ADAMTSL1: variants seen among roughly 807,000 people sequenced by gnomAD.
ADAMTSL1 encodes the protein ADAMTS like 1, also known as ADAMTS-like protein 1.
Under a neutral mutation model 201.8 loss-of-function variants are expected in ADAMTSL1, and 126 were observed. That is an observed-to-expected ratio of 0.62 (90% CI 0.54 to 0.72). The LOEUF is 0.72. Among genes scored for constraint, ADAMTSL1 ranks in the 30% least tolerant of loss-of-function variants. The pLI is 0.00. For missense variants in ADAMTSL1, 2,679 were observed against 2,277.8 expected (o/e 1.18, Z -3.59); for synonymous variants, 1,121 against 903.4 (o/e 1.24, Z -4.32).
At chr9:18,585,197 A>G (rs1823403449) in intron 4 of ADAMTSL1, among the ~76,000 whole-genome samples, 1 of 152,196 alleles carries the variant, frequency 6.6e-6, no homozygotes, top group South Asian at 2.1e-4. Context: ...TGATATATTA[A>G]CATTGTTTTC....
At position 18,366,627 on chromosome 9, in the gene ADAMTSL1, ATT is replaced by A. The variant is rs772034324; in HGVS notation, c.208-138163_208-138162del. On this transcript the variant is annotated intron_variant, in intron 2 of 29. Transcript: ENST00000680146. ...ATGGATAGTGCCTCTGAAATCACTA[ATT>A]TTTTTTTTTTTTTTTTTTTTTTTTT... Among the ~76,000 whole-genome samples the A allele has an allele frequency of 1.3e-3, 147 of 112,802 alleles. 8 individuals carry two copies. Among genetic ancestry groups the A allele is most frequent in the African/African-American group, 4.4e-3 (129 of 29,084 alleles). The allele number at this position is 112,802 out of a possible 152,430, so 74.0% of individuals were successfully genotyped here. A position where few individuals can be genotyped will look rare whatever the true frequency, so the allele number is the denominator to read the frequency against.
At chr9:18,490,555 G>A (rs532999177) in intron 1 of ADAMTSL1, among the ~76,000 whole-genome samples, 44 of 152,214 alleles carry the variant, frequency 2.9e-4, no homozygotes, top group Non-Finnish European at 3.7e-4. Context: ...TGGAAGAGAC[G>A]TAGATTTGTA....
chr9:18,530,102 G>C (rs10511660), intron 2 of ADAMTSL1, among the ~76,000 whole-genome samples: 37,625 of 152,076 alleles, frequency 0.25, 5,389 homozygotes, highest in Admixed American at 0.36. Flanking sequence ...TTTTGTTTAG[G>C]AAGCAGTATC....
intron 27 of ADAMTSL1, among the ~76,000 whole-genome samples, chr9:18,906,333 A>T (rs1198241801): frequency 6.6e-6 from 1 of 152,012 alleles, no homozygotes; most frequent in African/African-American, 2.4e-5. Context: ...CCCCATCCTT[A>T]TGACACTTCC....
intron 4 of ADAMTSL1, among the ~76,000 whole-genome samples, chr9:18,609,365 TC>T (rs368891556): frequency 0.12 from 18,507 of 151,894 alleles, 1,214 homozygotes; most frequent in Middle Eastern, 0.2. Context: ...CTACCAGAGG[TC>T]ATTTCCCAAA....
At chr9:18,617,434 C>T (rs568713475) in intron 4 of ADAMTSL1, among the ~76,000 whole-genome samples, 7 of 149,192 alleles carry the variant, frequency 4.7e-5, no homozygotes, top group Admixed American at 3.4e-4. Context: ...AAAATCTGCA[C>T]GACATACTAA....
At position 18,828,428 on chromosome 9, in the gene ADAMTSL1, A is replaced by G. The variant is rs77092406; in HGVS notation, c.4115-1415A>G. On this transcript the variant is annotated intron_variant, in intron 22 of 28. Transcript: ENST00000380548. ...AAGAGGAAGTATTGAGGAGGAGAGA[A>G]AGAGAGATGCTTTGAGTAAACTGCC... Among the ~76,000 whole-genome samples, 1,291 of 151,816 alleles carry G rather than the reference A, an allele frequency of 8.5e-3. 18 individuals are homozygous for G. Among genetic ancestry groups the G allele is most frequent in the African/African-American group, 0.029 (1,219 of 41,392 alleles).
chr9:18,752,070 G>A (rs575878853), intron 15 of ADAMTSL1, among the ~76,000 whole-genome samples: 11 of 1,076 alleles, frequency 0.01, 4 homozygotes, highest in Non-Finnish European at 0.022. Flanking sequence ...CAGCCTGGGC[G>A]ACAGAGCGAG....
intron 2 of ADAMTSL1, among the ~76,000 whole-genome samples, chr9:18,526,598 A>T (rs759422280): frequency 3.9e-5 from 6 of 152,326 alleles, no homozygotes; most frequent in African/African-American, 1.4e-4. Context: ...TTCCATGTTT[A>T]GTGCTTCCTT....
At chr9:18,717,248 AAT>A (rs1426166598) in intron 14 of ADAMTSL1, among the ~76,000 whole-genome samples, 4 of 148,096 alleles carry the variant, frequency 2.7e-5, no homozygotes, top group Admixed American at 1.3e-4. Context: ...TAATAATAAT[AAT>A]AATAAATAAA....
At chr9:18,880,635 A>C (rs779867252) in intron 23 of ADAMTSL1, among the ~76,000 whole-genome samples, 1 of 152,190 alleles carries the variant, frequency 6.6e-6, no homozygotes, top group Non-Finnish European at 1.5e-5. Flanking sequence ...TTGTTCTTCC[A>C]TTTATAGAGC....
At chr9:18,151,910 C>T (rs535002843) in intron 1 of ADAMTSL1, among the ~76,000 whole-genome samples, 2 of 152,022 alleles carry the variant, frequency 1.3e-5, no homozygotes, top group Non-Finnish European at 2.9e-5. Context: ...AATGTCCACA[C>T]ACTTTGTCAG....
chr9:18,468,284 G>A (rs1458558878), intron 2 of ADAMTSL1, among the ~76,000 whole-genome samples: 2 of 152,146 alleles, frequency 1.3e-5, no homozygotes, highest in African/African-American at 2.4e-5. Flanking sequence ...CTATCCTCCC[G>A]GTTCAGTTCA....
intron 2 of ADAMTSL1, among the ~76,000 whole-genome samples, chr9:18,364,864 T>C (rs1836698802): frequency 6.6e-6 from 1 of 151,984 alleles, no homozygotes; most frequent in Non-Finnish European, 1.5e-5. Flanking sequence ...CACACACTTT[T>C]GAACAACCAG....
At chr9:18,312,866 G>C (rs1413830005) in intron 2 of ADAMTSL1, among the ~76,000 whole-genome samples, 1 of 151,932 alleles carries the variant, frequency 6.6e-6, no homozygotes, top group Non-Finnish European at 1.5e-5. Context: ...ATATTTATAT[G>C]AATGATGTGC....
chr9:18,547,449 C>A (rs1820534351), intron 3 of ADAMTSL1, among the ~76,000 whole-genome samples: 1 of 151,872 alleles, frequency 6.6e-6, no homozygotes, highest in East Asian at 1.9e-4. Context: ...GTGAATAGTG[C>A]TGATTTCATA....
intron 1 of ADAMTSL1, among the ~76,000 whole-genome samples, chr9:17,925,762 G>A (rs10810876): frequency 0.6 from 85,389 of 143,308 alleles, 27,261 homozygotes; most frequent in Non-Finnish European, 0.69. Context: ...GCTAGATGAC[G>A]AGTTAGTGGG....
intron 2 of ADAMTSL1, among the ~76,000 whole-genome samples, chr9:18,397,399 A>G (rs1032756697): frequency 2.0e-5 from 3 of 152,158 alleles, no homozygotes; most frequent in Admixed American, 1.3e-4. Flanking sequence ...ATGATTAAAG[A>G]TGCTGTTACA....
At chr9:18,104,432 A>G (rs1166898258) in intron 1 of ADAMTSL1, among the ~76,000 whole-genome samples, 1 of 152,146 alleles carries the variant, frequency 6.6e-6, no homozygotes, top group Non-Finnish European at 1.5e-5. Context: ...AGCCTCCATA[A>G]TTTCCATTTT....
Sources: gnomAD v4.1 joint callset for allele counts (sites outside exome capture counted in the v4.1 genomes callset) on GRCh38, gnomAD v4.1.1 for gene constraint, MANE v1.5 for transcripts, NCBI Gene and HGNC (gene_info 2026-07-23, HGNC 2026-07-21) for gene names.